SPAG9: variants seen among roughly 807,000 people sequenced by gnomAD.
The protein encoded by SPAG9 is sperm associated antigen 9, also known as C-Jun-amino-terminal kinase-interacting protein 4.
In SPAG9, 35 loss-of-function variants were observed where a neutral mutation model predicts 166.5. The observed-to-expected ratio is 0.21, with a 90% CI of 0.16 to 0.28. The LOEUF (loss-of-function observed/expected upper bound fraction) is 0.28, where lower values mean the gene tolerates loss of function less well. Ranked by LOEUF, SPAG9 falls within the 10% of genes least tolerant of loss-of-function variation. The pLI, the probability that SPAG9 is intolerant of heterozygous loss-of-function variation, is 1.00. For synonymous variants in SPAG9, 534 were observed against 565.5 expected (o/e 0.94, Z 0.79); for missense variants, 1,235 against 1,603.3 (o/e 0.77, Z 3.92).
intron 6 of SPAG9, among the ~76,000 whole-genome samples, chr17:51,024,196 G>A (rs2144216579): frequency 6.6e-6 from 1 of 152,174 alleles, no homozygotes; most frequent in African/African-American, 2.4e-5. Context: ...GGAGGCAGAG[G>A]TTGCAGTGAG....
At chr17:51,022,943 AAATAATAATAATAAT>A (rs369538903) in intron 6 of SPAG9, among the ~76,000 whole-genome samples, 2 of 143,228 alleles carry the variant, frequency 1.4e-5, no homozygotes, top group African/African-American at 5.2e-5. Flanking sequence ...CTCCATCTCA[AAATAATAATAATAAT>A]AATAATAATA....
At chr17:51,116,918 G>T (rs1019203291) in intron 1 of SPAG9, among the ~76,000 whole-genome samples, 2 of 152,144 alleles carry the variant, frequency 1.3e-5, no homozygotes. Flanking sequence ...ATTCTAAGGA[G>T]AGCATTCTAG....
chr17:51,103,494 G>A (rs1177539818), intron 1 of SPAG9, among the ~76,000 whole-genome samples: 1 of 152,186 alleles, frequency 6.6e-6, no homozygotes, highest in Admixed American at 6.6e-5. Context: ...GGAAGGCCTG[G>A]AGAGAGGATA....
chr17:50,997,891 A>T (rs779154085), intron 15 of SPAG9, among the ~76,000 whole-genome samples: 1 of 152,124 alleles, frequency 6.6e-6, no homozygotes, highest in Non-Finnish European at 1.5e-5. Context: ...GGTATTTATC[A>T]ATGTTGTCAT....
At chr17:50,971,341 CAAA>C in intron 28 of SPAG9, among the ~76,000 whole-genome samples, 1 of 134,272 alleles carries the variant, frequency 7.4e-6, no homozygotes, top group African/African-American at 2.9e-5. Flanking sequence ...AACAAACAAA[CAAA>C]ACCCAATTTG....
rs552170117 is a variant in SPAG9, at chr17:50,979,418, G to A, written c.3409+328C>T. On this transcript the variant is annotated intron_variant, in intron 26 of 29. Transcript: ENST00000262013. Reference sequence around the variant, plus strand: ...AAAAAAGAGTAAGGTAGATTGAAACGTCTGACACTTTCAATGATAAAAGTT... The same window carrying A: ...AAAAAAGAGTAAGGTAGATTGAAACATCTGACACTTTCAATGATAAAAGTT... Among the ~76,000 whole-genome samples, 5 of 147,368 alleles carry A rather than the reference G, an allele frequency of 3.4e-5. No homozygotes were observed. In the East Asian group the frequency reaches 6.0e-4, roughly 18 times the overall value.
intron 6 of SPAG9, chr17:51,031,230 C>T (rs1293745765): frequency 5.4e-6 from 1 of 186,806 alleles, no homozygotes; most frequent in Non-Finnish European, 1.1e-5. Flanking sequence ...AGGCTCTTAA[C>T]AGATGTTTGA....
chr17:50,993,650 A>T, intron 19 of SPAG9, 114 bp downstream of exon 19: 1 of 964,262 alleles, frequency 1.0e-6, no homozygotes, highest in Non-Finnish European at 1.5e-6. Flanking sequence ...TTCCCTAACT[A>T]GAACATAAGC....
chr17:51,028,898 C>A (rs1488571307), intron 6 of SPAG9, among the ~76,000 whole-genome samples: 1 of 152,122 alleles, frequency 6.6e-6, no homozygotes, highest in Non-Finnish European at 1.5e-5. Context: ...TTGGCTAATA[C>A]TCTTGACTGC....
At chr17:51,005,790 G>T (rs1180558580) in intron 11 of SPAG9, among the ~76,000 whole-genome samples, 1 of 152,246 alleles carries the variant, frequency 6.6e-6, no homozygotes, top group Non-Finnish European at 1.5e-5. Context: ...GGCAGAGGTT[G>T]CAGTGAGCCA....
chr17:51,111,593 ATTTT>A (rs140370555), intron 1 of SPAG9, among the ~76,000 whole-genome samples: 9 of 151,048 alleles, frequency 6.0e-5, no homozygotes, highest in Non-Finnish European at 1.3e-4. Flanking sequence ...CTCTTTTGTG[ATTTT>A]TTTTTGTTTT....
intron 1 of SPAG9, among the ~76,000 whole-genome samples, chr17:51,106,422 T>C (rs907360273): frequency 6.6e-6 from 1 of 152,222 alleles, no homozygotes; most frequent in Non-Finnish European, 1.5e-5. Context: ...GCTTATTGTT[T>C]ATTGCAATGT....
intron 1 of SPAG9, among the ~76,000 whole-genome samples, chr17:51,109,471 G>A (rs912128174): frequency 2.9e-4 from 44 of 152,074 alleles, no homozygotes; most frequent in African/African-American, 1.1e-3. Context: ...TCTTGACCTC[G>A]TGATCTGCCC....
At chr17:51,065,501 G>A (rs1238785434) in intron 2 of SPAG9, among the ~76,000 whole-genome samples, 2 of 152,166 alleles carry the variant, frequency 1.3e-5, no homozygotes, top group Non-Finnish European at 2.9e-5. Context: ...TCATTAAAAT[G>A]TCCTTCTCTT....
At chr17:51,062,731 C>T (rs1250272816) in intron 2 of SPAG9, among the ~76,000 whole-genome samples, 2 of 152,296 alleles carry the variant, frequency 1.3e-5, no homozygotes, top group East Asian at 1.9e-4. Flanking sequence ...GCTGGGACTA[C>T]AGGCACCCAC....
At chr17:51,035,136 C>A (rs961682835) in intron 5 of SPAG9, among the ~76,000 whole-genome samples, 1 of 152,006 alleles carries the variant, frequency 6.6e-6, no homozygotes, top group African/African-American at 2.4e-5. Flanking sequence ...ATAGTGAGGC[C>A]CTGTCTGTAA....
At chr17:51,104,774 A>G in intron 1 of SPAG9, among the ~76,000 whole-genome samples, 1 of 151,760 alleles carries the variant, frequency 6.6e-6, no homozygotes, top group Non-Finnish European at 1.5e-5. Context: ...TCTACTAAAA[A>G]TACAAAAAAT....
At chr17:51,110,960 C>CA (rs1436522560) in intron 1 of SPAG9, among the ~76,000 whole-genome samples, 1 of 151,628 alleles carries the variant, frequency 6.6e-6, no homozygotes, top group African/African-American at 2.4e-5. Flanking sequence ...ACTAAAAATA[C>CA]AAAAAATTAG....
intron 6 of SPAG9, 77 bp downstream of exon 6, chr17:51,031,604 A>G: frequency 1.0e-6 from 1 of 993,874 alleles, no homozygotes; most frequent in Non-Finnish European, 1.6e-6. Context: ...TGTCTTGAGA[A>G]TAGCAGTTGA....
Sources: allele counts gnomAD v4.1 joint callset (sites outside exome capture counted in the v4.1 genomes callset), GRCh38; gene constraint gnomAD v4.1.1; transcripts MANE v1.5; gene names NCBI Gene and HGNC (gene_info 2026-07-23, HGNC 2026-07-21).